DLG5: variants seen among roughly 807,000 people sequenced by gnomAD.
DLG5 encodes the protein discs large MAGUK scaffold protein 5.
Under a neutral mutation model 189.8 loss-of-function variants are expected in DLG5, and 48 were observed. The ratio of observed to expected loss-of-function variants is 0.25; its 90% CI spans 0.20 to 0.32. DLG5 has a LOEUF of 0.32. Ranked by LOEUF, DLG5 falls within the 10% of genes least tolerant of loss-of-function variation. The pLI, the probability that DLG5 is intolerant of heterozygous loss-of-function variation, is 1.00. For synonymous variants in DLG5, 1,016 were observed against 1,054.1 expected (o/e 0.96, Z 0.70); for missense variants, 2,160 against 2,544.7 (o/e 0.85, Z 3.25).
chr10:77,940,163 A>ATCT, the DLG5 span, among the ~76,000 whole-genome samples: 1 of 152,286 alleles, frequency 6.6e-6, no homozygotes, highest in African/African-American at 2.4e-5. Flanking sequence ...TCCCCTAACC[A>ATCT]GTCACATAGG....
chr10:77,902,472 G>T (rs755443906), intron 1 of DLG5, among the ~76,000 whole-genome samples: 1 of 152,196 alleles, frequency 6.6e-6, no homozygotes, highest in East Asian at 1.9e-4. Context: ...CCGCAGCATT[G>T]TAAGTACAGA....
the DLG5 span, among the ~76,000 whole-genome samples, chr10:77,939,010 G>A: frequency 3.9e-5 from 6 of 152,104 alleles, no homozygotes; most frequent in African/African-American, 9.7e-5. Flanking sequence ...TGGTGAAACC[G>A]TCTCTACTAA....
At chr10:77,884,707 G>A (rs1323874502) in intron 1 of DLG5, among the ~76,000 whole-genome samples, 1 of 152,118 alleles carries the variant, frequency 6.6e-6, no homozygotes, top group East Asian at 1.9e-4. Flanking sequence ...TTGAGGCCCC[G>A]AGAAACAGAA....
intron 20 of DLG5, chr10:77,816,145 T>C (rs1179285188): frequency 2.0e-6 from 1 of 489,940 alleles, no homozygotes; most frequent in South Asian, 1.5e-5. Context: ...CACAGGTCTG[T>C]CACTCCAACG....
chr10:77,802,988 T>C (rs1313397924), intron 27 of DLG5, among the ~76,000 whole-genome samples: 1 of 152,180 alleles, frequency 6.6e-6, no homozygotes, highest in Non-Finnish European at 1.5e-5. Flanking sequence ...GTCTTAGAAT[T>C]ATCAGGGAAG....
At chr10:77,902,927 T>C (rs1051094963) in intron 1 of DLG5, among the ~76,000 whole-genome samples, 1 of 151,370 alleles carries the variant, frequency 6.6e-6, no homozygotes, top group African/African-American at 2.4e-5. Flanking sequence ...GCATCCCTCA[T>C]TCTGGGCGAC....
Position 77,871,801 on chromosome 10 carries a change from C to T in DLG5, c.305-2604G>A, listed in dbSNP as rs373293765. Among the ~76,000 whole-genome samples the T allele has an allele frequency of 2.7e-4, 41 of 152,114 alleles. No individual in the cohort carries two copies. The East Asian group carries it at 7.7e-3, about 29-fold the overall frequency. ...TCGGGATCCACCAGGCCTCAGCCTCCCAAAGTGCTAGGATTACAGGCATGA... is the reference window on the plus strand; with the variant it reads ...TCGGGATCCACCAGGCCTCAGCCTCTCAAAGTGCTAGGATTACAGGCATGA... On this transcript the variant is annotated intron_variant, in intron 1 of 31. Coordinates refer to ENST00000372391, the MANE Select transcript of DLG5 (RefSeq NM_004747.4).
intron 9 of DLG5, 47 bp downstream of exon 9, chr10:77,833,867 G>T (rs1842992975): frequency 5.6e-6 from 9 of 1,595,080 alleles, no homozygotes; most frequent in Non-Finnish European, 6.8e-6. Context: ...AGGGGCCCCA[G>T]GCTCCCAGAT....
Position 77,833,970 on chromosome 10 carries a change from G to T in DLG5, c.1692C>A (p.Ser564Arg). Residue 564 changes from serine (S) to arginine (R), a missense_variant, in exon 9 of 32, where the codon AGC (serine) becomes AGA (arginine). Coordinates refer to ENST00000372391, the MANE Select transcript of DLG5 (RefSeq NM_004747.4). ...AVSELAEALRSLDDTRKQKND... is the reference protein window; with the variant it reads ...AVSELAEALRRLDDTRKQKND... Reference sequence around the variant, plus strand: ...TCTTCTGCTTGCGGGTGTCATCCAGGCTGCGCAGGGCCTCAGCCAGCTCGC... The same window carrying T: ...TCTTCTGCTTGCGGGTGTCATCCAGTCTGCGCAGGGCCTCAGCCAGCTCGC... The T allele has an allele frequency of 6.2e-7, 1 of 1,607,442 alleles. No individual in the cohort carries two copies.
Position 77,830,282 on chromosome 10 carries a change from G to A in DLG5, c.1944C>T (p.Phe648=), listed in dbSNP as rs866100980. ...DMAEGVNEPC[F]PGDCGIFVTK... is the part of the protein sequence containing the mutation. ...TGACAAATATGCCACAGTCCCCCGG[G>A]AAACAAGGCTCATTCACACCTTCTG... The change falls in exon 11 of 32, where the codon TTC becomes TTT. Residue 648 remains phenylalanine, a synonymous_variant. Transcript: ENST00000372391. 1 of 1,614,158 alleles carries A rather than the reference G, an allele frequency of 6.2e-7. No individual in the cohort carries two copies. The highest frequency in any genetic ancestry group is 8.5e-7 in the Non-Finnish European group (1 of 1,180,030).
intron 1 of DLG5, among the ~76,000 whole-genome samples, chr10:77,890,321 A>T (rs1845569372): frequency 6.6e-6 from 1 of 152,130 alleles, no homozygotes; most frequent in African/African-American, 2.4e-5. Context: ...CCTACCTCCA[A>T]GCCTCTTGTG....
At chr10:77,910,733 G>T (rs560023922) in intron 1 of DLG5, among the ~76,000 whole-genome samples, 1 of 152,222 alleles carries the variant, frequency 6.6e-6, no homozygotes, top group Admixed American at 6.5e-5. Context: ...GCACTTTGGG[G>T]GGCCAAGGCA....
intron 15 of DLG5, 50 bp downstream of exon 15, chr10:77,821,032 A>G: frequency 6.5e-7 from 1 of 1,546,094 alleles, no homozygotes; most frequent in East Asian, 2.3e-5. Flanking sequence ...CCTTCGGCCA[A>G]CTGCCCCTCT....
At chr10:77,865,734 G>A (rs999292442) in intron 2 of DLG5, among the ~76,000 whole-genome samples, 5 of 152,120 alleles carry the variant, frequency 3.3e-5, no homozygotes, top group Non-Finnish European at 5.9e-5. Flanking sequence ...CGCAGGAAGC[G>A]GGGGAGGGCC....
At chr10:77,939,366 A>G in the DLG5 span, among the ~76,000 whole-genome samples, 1 of 152,112 alleles carries the variant, frequency 6.6e-6, no homozygotes, top group African/African-American at 2.4e-5. Flanking sequence ...AGGTGATGAG[A>G]ATGCCCCGAA....
Position 77,811,882 on chromosome 10 carries a change from C to G in DLG5, c.4322+42G>C, listed in dbSNP as rs202122534. The G allele has an allele frequency of 7.1e-5, 111 of 1,571,384 alleles. 1 individual carries two copies. The African/African-American group carries it at 1.2e-3, about 17-fold the overall frequency. ...GAGCAGAGTGCTGCTGCACCCACCT[C>G]TCCACCCCCAGCCCAGACGGCCCTG... On this transcript the variant is annotated intron_variant, in intron 22 of 31. Transcript: ENST00000372391.
intron 1 of DLG5, among the ~76,000 whole-genome samples, chr10:77,913,913 A>C (rs1333181838): frequency 2.6e-5 from 4 of 152,118 alleles, no homozygotes; most frequent in Non-Finnish European, 5.9e-5. Flanking sequence ...ATAGAATTTT[A>C]AAAGGAAGAA....
chr10:77,907,081 G>A (rs1365325882), intron 1 of DLG5, among the ~76,000 whole-genome samples: 1 of 150,686 alleles, frequency 6.6e-6, no homozygotes, highest in Non-Finnish European at 1.5e-5. Flanking sequence ...TCTAAAGGTT[G>A]CTAAACACTC....
intron 13 of DLG5, among the ~76,000 whole-genome samples, chr10:77,826,214 C>T (rs560853102): frequency 1.6e-4 from 25 of 152,186 alleles, no homozygotes; most frequent in African/African-American, 4.8e-4. Context: ...CCATGCAGCA[C>T]GACACAGATG....
Sources: gnomAD v4.1 joint callset for allele counts (sites outside exome capture counted in the v4.1 genomes callset) on GRCh38, gnomAD v4.1.1 for gene constraint, MANE v1.5 for transcripts, NCBI Gene and HGNC (gene_info 2026-07-23, HGNC 2026-07-21) for gene names.